Variants in RIMS2 observed in about 807,000 individuals in gnomAD.
RIMS2 encodes the protein regulating synaptic membrane exocytosis protein 2.
RIMS2 carries 59 observed loss-of-function variants against 174.4 expected under a neutral mutation model. The ratio of observed to expected loss-of-function variants is 0.34; its 90% CI spans 0.27 to 0.42. The LOEUF is 0.42. Among genes scored for constraint, RIMS2 ranks in the 10% least tolerant of loss-of-function variants. The pLI is 1.00. For synonymous variants in RIMS2, 606 were observed against 572.5 expected, an observed-to-expected ratio of 1.06 and a Z score of -0.84; for missense variants, 1,620 against 1,666.3, an observed-to-expected ratio of 0.97 and a Z score of 0.48.
chr8:103,808,460 G>A (rs898884467), intron 3 of RIMS2, among the ~76,000 whole-genome samples: 1 of 152,026 alleles, frequency 6.6e-6, no homozygotes. Flanking sequence ...TTACTAACAC[G>A]CTGATGCTTC....
Position 104,174,496 on chromosome 8 carries a change from G to A in RIMS2, c.3335-70420G>A, listed in dbSNP as rs577125212. Among the ~76,000 whole-genome samples the A allele has an allele frequency of 5.9e-5, 9 of 152,206 alleles. No homozygotes were observed. The East Asian group carries it at 1.7e-3, about 29-fold the overall frequency. ...CTGGCATATTCATTTAGAAGAAAATGCATTATTTCTTAAGCCAAATAACAA... is the reference window on the plus strand; with the variant it reads ...CTGGCATATTCATTTAGAAGAAAATACATTATTTCTTAAGCCAAATAACAA... On this transcript the variant is annotated intron_variant, in intron 19 of 23. Transcript: ENST00000504942.
intron 5 of RIMS2, 30 bp from the exon 8 acceptor site, chr8:103,910,291 C>CTT (rs75164936): frequency 0.025 from 31,614 of 1,272,338 alleles, 1 homozygote; most frequent in South Asian, 0.029. Flanking sequence ...TTTTTTGTAT[C>CTT]TTTTTTTTTT....
intron 1 of RIMS2, among the ~76,000 whole-genome samples, chr8:103,558,921 T>G (rs1341072399): frequency 1.3e-5 from 2 of 152,152 alleles, no homozygotes; most frequent in East Asian, 3.8e-4. Context: ...TGTGGTTTTG[T>G]TTGGGTGGTG....
At chr8:104,211,629 A>G (rs909008457) in intron 19 of RIMS2, among the ~76,000 whole-genome samples, 26 of 151,758 alleles carry the variant, frequency 1.7e-4, no homozygotes, top group African/African-American at 5.8e-4. Flanking sequence ...CAGTGGCACA[A>G]TCTTGGCTCA....
chr8:103,792,160 C>T (rs1225929565), intron 3 of RIMS2, among the ~76,000 whole-genome samples: 1 of 152,200 alleles, frequency 6.6e-6, no homozygotes, highest in Non-Finnish European at 1.5e-5. Context: ...AAACTGACCA[C>T]ATCGTTGGAA....
chr8:103,966,548 A>G (rs977341235), intron 15 of RIMS2, among the ~76,000 whole-genome samples: 1 of 151,962 alleles, frequency 6.6e-6, no homozygotes, highest in Non-Finnish European at 1.5e-5. Context: ...AATTTGTTCT[A>G]TTAATCTTTT....
intron 2 of RIMS2, among the ~76,000 whole-genome samples, chr8:103,759,806 A>G (rs1167267713): frequency 6.6e-6 from 1 of 152,074 alleles, no homozygotes; most frequent in Non-Finnish European, 1.5e-5. Flanking sequence ...GCTGGTGGGA[A>G]CCGAAGTGAG....
chr8:103,656,745 T>C (rs1003566782), intron 1 of RIMS2, among the ~76,000 whole-genome samples: 1 of 152,128 alleles, frequency 6.6e-6, no homozygotes, highest in Non-Finnish European at 1.5e-5. Flanking sequence ...GAGAGGCAAA[T>C]ACAAAGAGTA....
chr8:103,547,942 C>T (rs1201331728), intron 1 of RIMS2, among the ~76,000 whole-genome samples: 1 of 152,072 alleles, frequency 6.6e-6, no homozygotes, highest in South Asian at 2.1e-4. Flanking sequence ...AAACATACCA[C>T]CTGCCAAGAT....
At chr8:103,591,006 A>G (rs1335319354) in intron 1 of RIMS2, among the ~76,000 whole-genome samples, 3 of 150,844 alleles carry the variant, frequency 2.0e-5, no homozygotes, top group Non-Finnish European at 4.5e-5. Flanking sequence ...TCCCACCAAA[A>G]AAGGTATTTT....
intron 1 of RIMS2, among the ~76,000 whole-genome samples, chr8:103,511,862 G>C (rs1826579551): frequency 6.6e-6 from 1 of 152,142 alleles, no homozygotes; most frequent in Non-Finnish European, 1.5e-5. Context: ...GAGTACCTAT[G>C]ACAGAAACAA....
intron 2 of RIMS2, among the ~76,000 whole-genome samples, chr8:103,705,571 A>G (rs750546097): frequency 9.2e-5 from 14 of 152,002 alleles, no homozygotes; most frequent in Non-Finnish European, 1.9e-4. Flanking sequence ...ATGTTATCGT[A>G]TTGCAATCTC....
chr8:104,019,246 A>G (rs1252107454), intron 19 of RIMS2, among the ~76,000 whole-genome samples: 2 of 152,198 alleles, frequency 1.3e-5, no homozygotes, highest in East Asian at 1.9e-4. Context: ...ATTTTTATAT[A>G]CTTCTTTTAT....
chr8:104,178,523 CCA>C (rs1174269234), intron 19 of RIMS2, among the ~76,000 whole-genome samples: 1 of 151,984 alleles, frequency 6.6e-6, no homozygotes, highest in East Asian at 1.9e-4. Context: ...TATATTAGGC[CCA>C]CAGGGATAAT....
chr8:103,658,335 G>A (rs74380734), intron 1 of RIMS2, among the ~76,000 whole-genome samples: 4,733 of 152,276 alleles, frequency 0.031, 221 homozygotes, highest in African/African-American at 0.11. Flanking sequence ...AACACTGGCC[G>A]TATGTGAATG....
At chr8:104,018,999 C>G (rs79162696) in intron 19 of RIMS2, among the ~76,000 whole-genome samples, 2,010 of 151,992 alleles carry the variant, frequency 0.013, 28 homozygotes, top group Middle Eastern at 0.11. Flanking sequence ...CTTAAAAGAT[C>G]CCAGCCTGGC....
At chr8:103,530,390 A>G (rs1836448370) in intron 1 of RIMS2, among the ~76,000 whole-genome samples, 1 of 152,186 alleles carries the variant, frequency 6.6e-6, no homozygotes, top group East Asian at 1.9e-4. Context: ...GTAGTAAAAC[A>G]GTAGATTTGA....
At chr8:103,916,323 A>G (rs1358256907) in intron 7 of RIMS2, 91 bp from the exon 11 acceptor site, 2 of 861,706 alleles carry the variant, frequency 2.3e-6, no homozygotes, top group African/African-American at 1.7e-5. Flanking sequence ...ATTTTATCCT[A>G]TGGAGTTTAT....
intron 3 of RIMS2, among the ~76,000 whole-genome samples, chr8:103,871,305 A>G (rs1374825501): frequency 2.0e-5 from 3 of 152,150 alleles, no homozygotes; most frequent in African/African-American, 4.8e-5. Context: ...GAGGCAAGAG[A>G]ATCGCTTGAA....
Sources: gnomAD v4.1 joint callset for allele counts (sites outside exome capture counted in the v4.1 genomes callset) on GRCh38, gnomAD v4.1.1 for gene constraint, MANE v1.5 for transcripts, NCBI Gene and HGNC (gene_info 2026-07-23, HGNC 2026-07-21) for gene names.